Variants in TUSC3 observed in about 807,000 individuals in gnomAD.
TUSC3 encodes dolichyl-diphosphooligosaccharide--protein glycosyltransferase subunit TUSC3.
A neutral mutation model predicts 44.8 loss-of-function variants in TUSC3; 45 were observed. The observed-to-expected ratio is 1.00, with a 90% CI of 0.79 to 1.29. The LOEUF is 1.29. TUSC3 is among the 50% of genes most tolerant of loss of function. TUSC3 has a pLI of 0.00. For missense variants in TUSC3, 519 were observed against 437.9 expected (o/e 1.19, Z -1.65); for synonymous variants, 212 against 152.9 (o/e 1.39, Z -2.85).
chr8:15,578,603 A>G (rs1156390453), intron 1 of TUSC3, among the ~76,000 whole-genome samples: 4 of 148,616 alleles, frequency 2.7e-5, no homozygotes, highest in Non-Finnish European at 6.0e-5. Context: ...CTCTGTTTAT[A>G]TGCTGGATTA....
intron 1 of TUSC3, among the ~76,000 whole-genome samples, chr8:15,427,647 C>A (rs1416427559): frequency 6.6e-6 from 1 of 151,834 alleles, no homozygotes; most frequent in African/African-American, 2.4e-5. Context: ...ACTTTCACTT[C>A]TTCTCTAAAA....
chr8:15,454,534 A>C (rs539113529), intron 1 of TUSC3, among the ~76,000 whole-genome samples: 1 of 152,130 alleles, frequency 6.6e-6, no homozygotes, highest in African/African-American at 2.4e-5. Context: ...TAATGTTCCA[A>C]CTAGTTTCCA....
intron 1 of TUSC3, among the ~76,000 whole-genome samples, chr8:15,573,196 C>CTATA (rs1427194441): frequency 2.2e-4 from 23 of 104,224 alleles, no homozygotes; most frequent in East Asian, 3.2e-4. Flanking sequence ...CTCTCTCTCT[C>CTATA]TCTCTCTATA....
chr8:15,636,178 C>T (rs991947911), intron 2 of TUSC3, among the ~76,000 whole-genome samples: 10 of 152,034 alleles, frequency 6.6e-5, no homozygotes, highest in Non-Finnish European at 1.3e-4. Context: ...GGGGAAGCAG[C>T]CACAGCAGCC....
intron 2 of TUSC3, among the ~76,000 whole-genome samples, chr8:15,625,703 G>T (rs1225761192): frequency 6.6e-6 from 1 of 152,178 alleles, no homozygotes; most frequent in African/African-American, 2.4e-5. Context: ...TTGGGTCAAT[G>T]TAAAAAATCA....
the TUSC3 span, among the ~76,000 whole-genome samples, chr8:15,832,132 C>T: frequency 6.6e-6 from 1 of 152,222 alleles, no homozygotes; most frequent in East Asian, 1.9e-4. Context: ...AGATTGAGGG[C>T]CAGCACTGAA....
At chr8:15,638,964 T>C (rs1162765741) in intron 2 of TUSC3, among the ~76,000 whole-genome samples, 1 of 146,948 alleles carries the variant, frequency 6.8e-6, no homozygotes, top group Non-Finnish European at 1.5e-5. Flanking sequence ...ATGATGATCA[T>C]GTGTCGATGC....
At chr8:15,457,880 T>TAA (rs1563256301) in intron 1 of TUSC3, among the ~76,000 whole-genome samples, 12 of 146,996 alleles carry the variant, frequency 8.2e-5, no homozygotes, top group Admixed American at 6.1e-4. Flanking sequence ...AATTAGATAA[T>TAA]TACTAATTAA....
In TUSC3 at chr8:15,633,204, A is replaced by G. The variant is rs138081191; in HGVS notation, c.308+9955A>G. On this transcript the variant is annotated intron_variant, in intron 2 of 10. Coordinates refer to ENST00000503731, the MANE Select transcript of TUSC3 (RefSeq NM_006765.4). ...TTTTCTTCTCTCTTTCCCTCATTCC[A>G]TACTTTTATCTCTTTGGCCTGAGAC... Among the ~76,000 whole-genome samples the G allele has an allele frequency of 2.0e-5, 3 of 152,226 alleles. No individual in the cohort carries two copies. In the East Asian group the frequency reaches 5.8e-4, roughly 30 times the overall value.
intron 1 of TUSC3, among the ~76,000 whole-genome samples, chr8:15,455,231 C>G (rs941627231): frequency 6.6e-6 from 1 of 152,134 alleles, no homozygotes; most frequent in Non-Finnish European, 1.5e-5. Context: ...CCTCCTCCCC[C>G]AAAACCCCAG....
chr8:15,555,305 TTTTTTTA>T (rs1563287343), intron 1 of TUSC3, among the ~76,000 whole-genome samples: 1 of 111,008 alleles, frequency 9.0e-6, no homozygotes, highest in Admixed American at 9.5e-5. Flanking sequence ...TTTTTTTTTT[TTTTTTTA>T]AAGACATGGT....
At chr8:15,420,158 A>G (rs577974634) in intron 1 of TUSC3, among the ~76,000 whole-genome samples, 2 of 152,138 alleles carry the variant, frequency 1.3e-5, no homozygotes, top group Non-Finnish European at 2.9e-5. Context: ...AGAGAGTTAT[A>G]TTTTGGTGAC....
At chr8:15,844,772 C>T in the TUSC3 span, among the ~76,000 whole-genome samples, 4 of 152,074 alleles carry the variant, frequency 2.6e-5, no homozygotes, top group African/African-American at 9.7e-5. Flanking sequence ...GATTACCAAC[C>T]TGTGACTTTT....
At chr8:15,793,137 T>A in the TUSC3 span, among the ~76,000 whole-genome samples, 2 of 152,132 alleles carry the variant, frequency 1.3e-5, no homozygotes, top group Admixed American at 1.3e-4. Context: ...ACTTTTGCAC[T>A]AGATTGTTTG....
chr8:15,772,595 T>C, the TUSC3 span, among the ~76,000 whole-genome samples: 2 of 152,194 alleles, frequency 1.3e-5, no homozygotes, highest in Non-Finnish European at 2.9e-5. Flanking sequence ...ATTTAAAGAA[T>C]GAACACAATC....
intron 10 of TUSC3, among the ~76,000 whole-genome samples, chr8:15,760,152 A>G (rs539598738): frequency 5.2e-4 from 79 of 152,144 alleles, no homozygotes; most frequent in Non-Finnish European, 1.0e-3. Flanking sequence ...AAATTCATTA[A>G]TAGCTAATAA....
chr8:15,632,184 C>A (rs975074280), intron 2 of TUSC3, among the ~76,000 whole-genome samples: 2 of 152,140 alleles, frequency 1.3e-5, no homozygotes, highest in Non-Finnish European at 2.9e-5. Flanking sequence ...TCATCTGTTA[C>A]ATTTGTTACA....
intron 1 of TUSC3, among the ~76,000 whole-genome samples, chr8:15,444,355 G>A (rs1023599184): frequency 4.6e-5 from 7 of 152,244 alleles, no homozygotes; most frequent in Non-Finnish European, 1.5e-5. Context: ...TTACAGACTG[G>A]ACTCAACTTC....
At chr8:15,532,723 C>A (rs1049454363) in intron 2 of TUSC3, among the ~76,000 whole-genome samples, 2 of 152,140 alleles carry the variant, frequency 1.3e-5, no homozygotes, top group African/African-American at 4.8e-5. Flanking sequence ...GGGTGGGACC[C>A]AGTGGGAGAA....
Sources: allele counts gnomAD v4.1 joint callset (sites outside exome capture counted in the v4.1 genomes callset), GRCh38; gene constraint gnomAD v4.1.1; transcripts MANE v1.5; gene names NCBI Gene and HGNC (gene_info 2026-07-23, HGNC 2026-07-21).